Variants in POT1 observed in about 807,000 individuals in gnomAD.
POT1 encodes the protein protection of telomeres 1.
Under a neutral mutation model 78.5 loss-of-function variants are expected in POT1, and 47 were observed. The ratio of observed to expected loss-of-function variants is 0.60; its 90% CI spans 0.47 to 0.76. The LOEUF (loss-of-function observed/expected upper bound fraction) is 0.76, where lower values mean the gene tolerates loss of function less well. POT1 is among the 30% of genes least tolerant of loss of function. POT1 has a pLI of 0.00. For missense variants in POT1, 646 were observed against 749.9 expected (o/e 0.86, Z 1.62); for synonymous variants, 259 against 260.7 (o/e 0.99, Z 0.06).
chr7:124,908,957 G>A (rs767691037), intron 3 of POT1, among the ~76,000 whole-genome samples: 1 of 151,812 alleles, frequency 6.6e-6, no homozygotes, highest in East Asian at 1.9e-4. Context: ...TTTCAGATAA[G>A]GGAGAATAAA....
rs191824301 is a variant in POT1 at position 124,911,603 on chromosome 7, C to T, written c.-154+3971G>A. Among the ~76,000 whole-genome samples, 857 of 152,064 alleles carry T rather than the reference C, an allele frequency of 5.6e-3. 8 individuals are homozygous for T. Among genetic ancestry groups the T allele is most frequent in the Middle Eastern group, 0.024 (7 of 294 alleles). Reference sequence around the variant, plus strand: ...TCTAAAGCAAGGTTTTAAGATATACCGCTGATTAGTAACAGCATTGCAGAT... The same window carrying T: ...TCTAAAGCAAGGTTTTAAGATATACTGCTGATTAGTAACAGCATTGCAGAT... On this transcript the variant is annotated intron_variant, in intron 3 of 18. Transcript: ENST00000357628.
chr7:124,875,439 T>G (rs115685820), intron 6 of POT1, among the ~76,000 whole-genome samples: 2,596 of 152,276 alleles, frequency 0.017, 70 homozygotes, highest in African/African-American at 0.059. Context: ...CTGCAAGACA[T>G]AAAAGAAGTC....
intron 6 of POT1, among the ~76,000 whole-genome samples, chr7:124,891,450 G>GT (rs1254453943): frequency 1.3e-5 from 2 of 150,478 alleles, no homozygotes; most frequent in African/African-American, 4.9e-5. Flanking sequence ...GTTGTATCTC[G>GT]TTTTTTTTAA....
In POT1 at chr7:124,835,266, CA is replaced by C; in HGVS notation, c.1505+12del. The C allele has an allele frequency of 6.2e-7, 1 of 1,612,204 alleles. No individual in the cohort carries two copies. ...ATAAACAAAACAAAACAAAACAAAA[CA>C]AAACAAAATACCCATAGTGATGTAT... On this transcript the variant is annotated intron_variant, in intron 15 of 18. Coordinates refer to ENST00000357628, the MANE Select transcript of POT1 (RefSeq NM_015450.3).
chr7:124,875,408 T>C (rs1051473306), intron 6 of POT1, among the ~76,000 whole-genome samples: 1 of 152,198 alleles, frequency 6.6e-6, no homozygotes, highest in Admixed American at 6.5e-5. Context: ...ATCACTATTA[T>C]ATCATTCTTC....
intron 8 of POT1, among the ~76,000 whole-genome samples, chr7:124,860,869 G>A (rs545698135): frequency 1.3e-5 from 2 of 151,954 alleles, no homozygotes; most frequent in East Asian, 1.9e-4. Context: ...TTGGTTTTCC[G>A]TTCTTGTGTT....
rs572665028 is a variant in POT1 at position 124,912,250 on chromosome 7, A to G, written c.-154+3324T>C. Among the ~76,000 whole-genome samples the G allele has an allele frequency of 3.2e-4, 46 of 142,706 alleles. No homozygotes were observed. The South Asian group carries it at 5.0e-3, about 15-fold the overall frequency. The allele number at this position is 142,706 out of a possible 152,430, so 93.6% of individuals were successfully genotyped here. A position where few individuals can be genotyped will look rare whatever the true frequency, so the allele number is the denominator to read the frequency against. On this transcript the variant is annotated intron_variant, in intron 3 of 18. Transcript: ENST00000357628. ...TTACCTCCATCTTTAAAATTGGGGG[A>G]AAAAAAAAAAACTCAGTGGAATTAA... is the stretch of plus-strand genomic sequence containing the variant.
intron 7 of POT1, among the ~76,000 whole-genome samples, 191 bp downstream of exon 7, chr7:124,870,720 T>C (rs562400999): frequency 6.6e-6 from 1 of 152,222 alleles, no homozygotes; most frequent in East Asian, 1.9e-4. Context: ...AAAGCAGTGG[T>C]TTGTTCAAAT....
At chr7:124,830,678 T>C (rs999760808) in intron 15 of POT1, among the ~76,000 whole-genome samples, 2 of 150,044 alleles carry the variant, frequency 1.3e-5, no homozygotes, top group Non-Finnish European at 2.9e-5. Flanking sequence ...CTTAAGAACA[T>C]ATTTAAACTC....
Position 124,870,861 on chromosome 7 carries a change from TAC to T in POT1, c.255+48_255+49del. 7 of 1,453,510 alleles carry T rather than the reference TAC, an allele frequency of 4.8e-6. No individual in the cohort carries two copies. Among genetic ancestry groups the T allele is most frequent in the Non-Finnish European group, 6.4e-6 (7 of 1,092,102 alleles). The allele number at this position is 1,453,510 out of a possible 1,614,324, so 90.0% of individuals were successfully genotyped here. A position where few individuals can be genotyped will look rare whatever the true frequency, so the allele number is the denominator to read the frequency against. ...AGTGCTAACTAGTTTCAGTGAACAA[TAC>T]AGAGTTCTCTTCAAATAAATATAAG... On this transcript the variant is annotated intron_variant, in intron 7 of 18. Coordinates refer to ENST00000357628, the MANE Select transcript of POT1 (RefSeq NM_015450.3).
At chr7:124,900,616 CAA>C (rs1382332120) in intron 3 of POT1, among the ~76,000 whole-genome samples, 1 of 151,986 alleles carries the variant, frequency 6.6e-6, no homozygotes, top group Non-Finnish European at 1.5e-5. Flanking sequence ...TCTGCATTTC[CAA>C]CTGAGGTACT....
rs1260809348 is a variant in POT1, at chr7:124,822,622, T to C, written c.*1340A>G. On this transcript the variant is annotated 3_prime_UTR_variant, in exon 19 of 19. Coordinates refer to ENST00000357628, the MANE Select transcript of POT1 (RefSeq NM_015450.3). ...ATCATCAACACGGAAACACACCTGT[T>C]CAACTGTAGGGTTTTAAAATATTTT... The C allele has an allele frequency of 2.3e-6, 1 of 434,210 alleles. No homozygotes were observed. The highest frequency in any genetic ancestry group is 2.0e-5 in the African/African-American group (1 of 49,572). 26.9% of individuals were successfully genotyped at this position (434,210 alleles called of 1,614,324 possible). A position where few individuals can be genotyped will look rare whatever the true frequency, so the allele number is the denominator to read the frequency against.
At chr7:124,825,378 G>GA (rs543163281) in intron 17 of POT1, 21 bp from the exon 18 acceptor site, 1,909 of 1,369,996 alleles carry the variant, frequency 1.4e-3, no homozygotes, top group South Asian at 1.7e-3. Context: ...TTTCATGAGA[G>GA]AAAAAAAAAG....
intron 2 of POT1, among the ~76,000 whole-genome samples, chr7:124,916,232 C>T (rs1286160547): frequency 6.6e-6 from 1 of 151,904 alleles, no homozygotes; most frequent in Admixed American, 6.6e-5. Flanking sequence ...GGCTAATATT[C>T]CAGACTTTGA....
rs1794602958 is a variant in POT1, at chr7:124,825,299, C to G, written c.1745G>C (p.Ser582Thr). 6.2e-7 allele frequency: 1 copy of G among 1,610,976 alleles called. No homozygotes were observed. The highest frequency in any genetic ancestry group is 8.5e-7 in the Non-Finnish European group (1 of 1,178,582). Residue 582 changes from serine (S) to threonine (T), a missense_variant, in exon 18 of 19, where the codon AGT becomes ACT. By Grantham distance (58) the Ser-to-Thr change is moderately conservative. This residue lies in a region of POT1 where 394 missense variants were observed against 408.4 expected (regional missense o/e 0.96). Coordinates refer to ENST00000357628, the MANE Select transcript of POT1 (RefSeq NM_015450.3). ...AAACATATCCATGATCATATCCACA[C>G]TTTTCTGAAGGTCATCATCCATCAG... ...EVLMDDDLQK[S>T]VDMIMDMFCP... is the part of the protein sequence containing the mutation.
At chr7:124,915,358 T>C (rs540448411) in intron 3 of POT1, among the ~76,000 whole-genome samples, 1 of 152,244 alleles carries the variant, frequency 6.6e-6, no homozygotes, top group East Asian at 1.9e-4. Flanking sequence ...AACAAGTACA[T>C]CTATGTAACA....
intron 11 of POT1, among the ~76,000 whole-genome samples, chr7:124,850,855 T>C (rs998054774): frequency 2.3e-4 from 34 of 150,776 alleles, no homozygotes; most frequent in African/African-American, 8.3e-4. Flanking sequence ...GGAAAGAGAA[T>C]ACATCTCATA....
At chr7:124,826,871 A>AAAACAAAC (rs61096064) in intron 17 of POT1, among the ~76,000 whole-genome samples, 3,382 of 150,442 alleles carry the variant, frequency 0.022, 99 homozygotes, top group African/African-American at 0.068. Flanking sequence ...TCCATCTCAA[A>AAAACAAAC]AAACAAACAA....
intron 4 of POT1, among the ~76,000 whole-genome samples, chr7:124,897,888 C>T (rs189475572): frequency 5.0e-4 from 76 of 151,676 alleles, no homozygotes; most frequent in Middle Eastern, 3.4e-3. Flanking sequence ...ATCTTCACAA[C>T]GAATAAAGTA....
Sources: gnomAD v4.1 joint callset for allele counts (sites outside exome capture counted in the v4.1 genomes callset) on GRCh38, gnomAD v4.1.1 for gene constraint, gnomAD v4.1.1 regional missense constraint, MANE v1.5 for transcripts, NCBI Gene and HGNC (gene_info 2026-07-23, HGNC 2026-07-21) for gene names.